The following ATF7 variants were observed in gnomAD, a reference collection of about 807,000 sequenced individuals.
ATF7 encodes cyclic AMP-dependent transcription factor ATF-7.
Under a neutral mutation model 50.4 loss-of-function variants are expected in ATF7, and 10 were observed. The observed-to-expected ratio is 0.20, with a 90% confidence interval of 0.12 to 0.34. ATF7 has a LOEUF of 0.34. Among genes scored for constraint, ATF7 ranks in the 10% least tolerant of loss-of-function variants. The pLI is 1.00. For missense variants in ATF7, 465 were observed against 613.9 expected (o/e 0.76, Z 2.56); for synonymous variants, 201 against 226.4 (o/e 0.89, Z 1.01).
At chr12:53,574,040 C>G (rs1592905186) in intron 2 of ATF7, among the ~76,000 whole-genome samples, 2 of 152,290 alleles carry the variant, frequency 1.3e-5, no homozygotes, top group East Asian at 3.9e-4. Flanking sequence ...TATATCATGT[C>G]CACCTTTCAA....
intron 9 of ATF7, among the ~76,000 whole-genome samples, chr12:53,531,140 G>T (rs1170171233): frequency 6.6e-6 from 1 of 151,942 alleles, no homozygotes; most frequent in Non-Finnish European, 1.5e-5. Flanking sequence ...AAAAAATGGG[G>T]CTGGGCATGG....
chr12:53,524,877 A>AT lies in ATF7; in HGVS notation c.928-117_928-116insA. The AT allele has an allele frequency of 1.0e-6, 1 of 995,122 alleles. No homozygotes were observed. Among genetic ancestry groups the AT allele is most frequent in the Non-Finnish European group, 1.4e-6 (1 of 701,898 alleles). 61.6% of individuals were successfully genotyped at this position (995,122 alleles called of 1,614,324 possible). ...TAAAAGGATATACCAGCCTCTGGTA[A>AT]CCACAGCAAGTCTCATTACTATGTC... On this transcript the variant is annotated intron_variant, in intron 9 of 11. Coordinates refer to ENST00000420353, the MANE Select transcript of ATF7 (RefSeq NM_006856.3). This position sits in a 1 kb window ranked among gnomAD's most constrained non-coding sequence, Gnocchi z 4.6.
At chr12:53,609,641 TAAA>T (rs74845346) in intron 1 of ATF7, among the ~76,000 whole-genome samples, 2 of 133,164 alleles carry the variant, frequency 1.5e-5, no homozygotes, top group African/African-American at 2.7e-5. Flanking sequence ...CTGGGACTCT[TAAA>T]AAAAAAAAAA....
chr12:53,603,505 T>C (rs1943484698), intron 1 of ATF7, among the ~76,000 whole-genome samples: 2 of 152,286 alleles, frequency 1.3e-5, no homozygotes, highest in East Asian at 3.9e-4. Context: ...CCTGCTTCCT[T>C]CTAAATTTGC....
rs200642514 is a variant in ATF7 at position 53,568,949 on chromosome 12, G to A, written c.49-16312C>T. ...GGCTGAGGCAGGAGGATCACCTGAG[G>A]AATTTGAGACAAGCCTGGGCAATAT... On this transcript the variant is annotated intron_variant, in intron 2 of 11. Transcript: ENST00000420353. 2.0e-5 allele frequency among the ~76,000 whole-genome samples: 3 copies of A among 152,042 alleles called. No homozygotes were observed. In the East Asian group the frequency reaches 5.8e-4, roughly 29 times the overall value.
At chr12:53,615,602 G>A (rs1014094556) in intron 1 of ATF7, among the ~76,000 whole-genome samples, 2 of 152,084 alleles carry the variant, frequency 1.3e-5, no homozygotes, top group South Asian at 2.1e-4. Flanking sequence ...GGCTGGATGC[G>A]ATGGCTCACA....
chr12:53,568,352 A>C (rs1011634651), intron 2 of ATF7, among the ~76,000 whole-genome samples: 15 of 151,380 alleles, frequency 9.9e-5, no homozygotes, highest in African/African-American at 3.4e-4. Context: ...TCGTCTCTAA[A>C]ACCGTCTCTA....
chr12:53,534,584 A>T lies in ATF7; in HGVS notation c.478T>A (p.Leu160Met). 6.2e-7 allele frequency: 1 copy of T among 1,613,716 alleles called. No individual in the cohort carries two copies. The highest frequency in any genetic ancestry group is 8.5e-7 in the Non-Finnish European group (1 of 1,179,852). The stretch of plus-strand genomic sequence containing the variant: ...GTTGGATGAAGTGGATCATAGCCCA[A>T]GTGGAGAGGCAGGGAGCCAGGACGT... ...IVRPGSLPLHLGYDPLHPTLP... is the reference protein window; with the variant it reads ...IVRPGSLPLHMGYDPLHPTLP... Residue 160 changes from leucine (L) to methionine (M), a missense_variant, in exon 6 of 12, where the codon TTG (leucine) becomes ATG (methionine). Leu to Met is a conservative substitution (Grantham distance 15). Coordinates refer to ENST00000420353, the MANE Select transcript of ATF7 (RefSeq NM_006856.3).
At chr12:53,616,670 C>T (rs937904371) in intron 1 of ATF7, among the ~76,000 whole-genome samples, 3 of 151,874 alleles carry the variant, frequency 2.0e-5, no homozygotes, top group Non-Finnish European at 4.4e-5. Context: ...TGGCCGGGTG[C>T]GGTGGCTCAT....
chr12:53,626,317 G>A lies in ATF7; in HGVS notation c.-60C>T, dbSNP rs1228376194. The A allele has an allele frequency of 6.5e-6, 1 of 152,794 alleles. No individual in the cohort carries two copies. Among genetic ancestry groups the A allele is most frequent in the African/African-American group, 2.4e-5 (1 of 41,450 alleles). 9.5% of individuals were successfully genotyped at this position (152,794 alleles called of 1,614,324 possible). On this transcript the variant is annotated 5_prime_UTR_variant, in exon 1 of 12. Transcript: ENST00000420353. ...CGTTGCCTCCCGCCTGCCCGCGCTC[G>A]GTCCTACAATCTGTCTCCAGCTCCT...
chr12:53,571,602 G>GTCCA (rs2137627374), intron 2 of ATF7, among the ~76,000 whole-genome samples: 1 of 150,362 alleles, frequency 6.7e-6, no homozygotes, highest in Admixed American at 6.7e-5. Flanking sequence ...ACAAGTTTGA[G>GTCCA]TCCAGCCTGG....
At chr12:53,528,783 G>T (rs190265088) in intron 9 of ATF7, among the ~76,000 whole-genome samples, 16 of 151,746 alleles carry the variant, frequency 1.1e-4, no homozygotes, top group Non-Finnish European at 1.8e-4. Flanking sequence ...GAAAAGAAAA[G>T]AAAACAAAAG....
At position 53,587,820 on chromosome 12, in the gene ATF7, C is replaced by CAT. The variant is rs1242121330; in HGVS notation, c.48+13131_48+13132dup. Among the ~76,000 whole-genome samples, 398 of 66,978 alleles carry CAT rather than the reference C, an allele frequency of 5.9e-3. 4 individuals carry two copies. Among genetic ancestry groups the CAT allele is most frequent in the African/African-American group, 0.014 (333 of 24,012 alleles). The allele number at this position is 66,978 out of a possible 152,430, so 43.9% of individuals were successfully genotyped here. On this transcript the variant is annotated intron_variant, in intron 2 of 11. Transcript: ENST00000420353. The stretch of plus-strand genomic sequence containing the variant: ...TTTTGATCCTCTATGTATACTTCTA[C>CAT]ATATATATATATATATATATATATT...
intron 3 of ATF7, among the ~76,000 whole-genome samples, chr12:53,546,260 T>C (rs1427448966): frequency 6.6e-6 from 1 of 151,728 alleles, no homozygotes; most frequent in Non-Finnish European, 1.5e-5. Context: ...TGGTGGTACA[T>C]GTCTGTGATC....
At chr12:53,533,006 G>A (rs1377097756) in intron 7 of ATF7, among the ~76,000 whole-genome samples, 154 bp downstream of exon 7, 1 of 152,242 alleles carries the variant, frequency 6.6e-6, no homozygotes, top group Admixed American at 6.5e-5. Flanking sequence ...TGGATTGGCA[G>A]AGGTTAGTGA....
At chr12:53,605,257 C>T (rs1055626260) in intron 1 of ATF7, among the ~76,000 whole-genome samples, 8 of 151,804 alleles carry the variant, frequency 5.3e-5, no homozygotes, top group South Asian at 2.1e-4. Flanking sequence ...GGCATGGTGG[C>T]GCATGCCTGT....
intron 4 of ATF7, among the ~76,000 whole-genome samples, chr12:53,541,979 G>A (rs1371341733): frequency 6.6e-6 from 1 of 152,026 alleles, no homozygotes; most frequent in African/African-American, 2.4e-5. Flanking sequence ...GCGCCGCCAC[G>A]CCTGGCTAAG....
intron 2 of ATF7, among the ~76,000 whole-genome samples, chr12:53,582,789 G>A (rs1232855293): frequency 6.6e-6 from 1 of 152,076 alleles, no homozygotes; most frequent in Non-Finnish European, 1.5e-5. Context: ...ATTTCACCAT[G>A]TTGGCCAGGA....
intron 6 of ATF7, 60 bp from the exon 7 acceptor site, chr12:53,533,319 C>T (rs1254033518): frequency 2.2e-6 from 3 of 1,380,296 alleles, no homozygotes; most frequent in Non-Finnish European, 1.0e-6. Flanking sequence ...GGATCTTCCT[C>T]TTATAATTAC....
Sources: gnomAD v4.1 joint callset for allele counts (sites outside exome capture counted in the v4.1 genomes callset) on GRCh38, gnomAD v4.1.1 for gene constraint, Gnocchi (gnomAD v3.1) non-coding constraint, MANE v1.5 for transcripts, NCBI Gene and HGNC (gene_info 2026-07-23, HGNC 2026-07-21) for gene names.